The following ATP10B variants were observed in gnomAD, a reference collection of about 807,000 sequenced individuals.
The protein encoded by ATP10B is ATPase phospholipid transporting 10B (putative).
ATP10B carries 122 observed loss-of-function variants against 141.2 expected under a neutral mutation model. The ratio of observed to expected loss-of-function variants is 0.86; its 90% CI spans 0.75 to 1.00. The LOEUF is 1.00. ATP10B is among the 50% of genes least tolerant of loss of function. The pLI, the probability that ATP10B is intolerant of heterozygous loss-of-function variation, is 0.00. For synonymous variants in ATP10B, 685 were observed against 692.0 expected (o/e 0.99, Z 0.16); for missense variants, 1,876 against 1,825.3 (o/e 1.03, Z -0.51).
At chr5:160,573,426 C>T (rs1412343697) in intron 24 of ATP10B, among the ~76,000 whole-genome samples, 2 of 152,130 alleles carry the variant, frequency 1.3e-5, no homozygotes, top group African/African-American at 2.4e-5. Flanking sequence ...CAGCTTTTTT[C>T]GCTTGCTTTT....
chr5:160,810,510 G>A (rs975261250), intron 1 of ATP10B, among the ~76,000 whole-genome samples: 2 of 151,854 alleles, frequency 1.3e-5, no homozygotes, highest in African/African-American at 4.8e-5. Flanking sequence ...TGTAAATTTT[G>A]GTGTGTGCTT....
the ATP10B span, among the ~76,000 whole-genome samples, chr5:160,885,887 G>A: frequency 5.3e-5 from 8 of 152,068 alleles, no homozygotes; most frequent in African/African-American, 1.7e-4. Flanking sequence ...TTAGATACAC[G>A]TCCTCTTGCT....
intron 2 of ATP10B, among the ~76,000 whole-genome samples, chr5:160,750,950 A>C (rs1768112481): frequency 6.6e-6 from 1 of 152,128 alleles, no homozygotes; most frequent in East Asian, 1.9e-4. Context: ...TTTAGATTCT[A>C]GCATAGACAT....
intron 17 of ATP10B, among the ~76,000 whole-genome samples, chr5:160,615,044 T>G (rs1757920061): frequency 6.6e-6 from 1 of 152,216 alleles, no homozygotes; most frequent in African/African-American, 2.4e-5. Context: ...TCAGTCTCTG[T>G]GCTTCTCTTC....
chr5:160,727,239 G>A lies in ATP10B; in HGVS notation c.-330-10205C>T, dbSNP rs950575108. Among the ~76,000 whole-genome samples the A allele has an allele frequency of 7.2e-5, 11 of 152,256 alleles. No homozygotes were observed. The Middle Eastern group carries it at 0.014, about 188-fold the overall frequency. On this transcript the variant is annotated intron_variant, in intron 2 of 25. Coordinates refer to ENST00000327245, the MANE Select transcript of ATP10B (RefSeq NM_025153.3). ...ATTATACACTGAAAGCATGAACGCC[G>A]ATCCCTACAAACACCACAAGGGATA... is the stretch of plus-strand genomic sequence containing the variant.
chr5:160,855,155 T>G (rs2127994946), upstream of ATP10B, among the ~76,000 whole-genome samples: 1 of 152,218 alleles, frequency 6.6e-6, no homozygotes, highest in East Asian at 1.9e-4. Flanking sequence ...AAATGCTTGT[T>G]TAGTATTTTA....
At chr5:160,753,465 A>G (rs759429146) in intron 2 of ATP10B, among the ~76,000 whole-genome samples, 2 of 152,220 alleles carry the variant, frequency 1.3e-5, no homozygotes, top group Non-Finnish European at 2.9e-5. Context: ...ACTGATATAC[A>G]TAATTACAAT....
intron 1 of ATP10B, among the ~76,000 whole-genome samples, chr5:160,839,069 C>G (rs979871025): frequency 1.3e-5 from 2 of 152,142 alleles, no homozygotes; most frequent in African/African-American, 4.8e-5. Context: ...GATGTTGGTG[C>G]CATGCTTGTA....
At chr5:160,707,100 GCCA>G (rs986218630) in intron 3 of ATP10B, among the ~76,000 whole-genome samples, 2 of 152,068 alleles carry the variant, frequency 1.3e-5, no homozygotes, top group Non-Finnish European at 2.9e-5. Flanking sequence ...ACAGGCGCCT[GCCA>G]CCACGCCTCG....
At chr5:160,701,744 C>T (rs1764693525) in intron 3 of ATP10B, among the ~76,000 whole-genome samples, 1 of 151,930 alleles carries the variant, frequency 6.6e-6, no homozygotes, top group South Asian at 2.1e-4. Context: ...CCCTCTGCCC[C>T]AGTGCCTCCT....
chr5:160,620,457 A>G lies in ATP10B; in HGVS notation c.2306T>C (p.Val769Ala). The part of the protein sequence containing the change: ...SLLCTLGFDS[V>A]RKRMSVVVRH... ...CACAACCACAGACATTCTCTTCCTG[A>G]CAGAGTCAAAGCCCAGGGTGCAGAG... Residue 769 changes from valine to alanine, a missense_variant, in exon 15 of 26, where the codon GTC (valine) becomes GCC (alanine). Physicochemically the swap from Val to Ala is moderately conservative, Grantham distance 64. Coordinates refer to ENST00000327245, the MANE Select transcript of ATP10B (RefSeq NM_025153.3). The G allele has an allele frequency of 2.5e-6, 4 of 1,614,198 alleles. No homozygotes were observed. Among genetic ancestry groups the G allele is most frequent in the Non-Finnish European group, 3.4e-6 (4 of 1,180,012 alleles).
intron 12 of ATP10B, chr5:160,632,957 A>G (rs189105502): frequency 6.6e-6 from 1 of 152,388 alleles, no homozygotes; most frequent in Admixed American, 6.5e-5. Flanking sequence ...GCCAACAAAC[A>G]TATGAAAAAA....
the ATP10B span, among the ~76,000 whole-genome samples, chr5:160,868,038 T>G: frequency 1.9e-4 from 29 of 152,234 alleles, no homozygotes; most frequent in Middle Eastern, 0.01. Flanking sequence ...AACAAAATCC[T>G]GAGCAACATA....
the ATP10B span, among the ~76,000 whole-genome samples, chr5:160,906,338 C>T: frequency 1.3e-5 from 2 of 151,962 alleles, no homozygotes; most frequent in East Asian, 1.9e-4. Context: ...AAAAAACAAT[C>T]GACCAGTTCA....
intron 13 of ATP10B, among the ~76,000 whole-genome samples, chr5:160,626,452 T>C (rs1489172855): frequency 6.6e-6 from 1 of 152,238 alleles, no homozygotes; most frequent in Non-Finnish European, 1.5e-5. Flanking sequence ...ATATGGTTAG[T>C]ATCATTCCAC....
intron 12 of ATP10B, chr5:160,634,109 A>T (rs1581233988): frequency 1.6e-6 from 1 of 618,644 alleles, no homozygotes; most frequent in African/African-American, 1.8e-5. Flanking sequence ...CACCAGACAA[A>T]GATCAGCTGA....
At chr5:160,643,882 C>T (rs543512618) in intron 9 of ATP10B, among the ~76,000 whole-genome samples, 32 of 152,220 alleles carry the variant, frequency 2.1e-4, no homozygotes, top group East Asian at 9.7e-4. Context: ...ACAAAACCAC[C>T]GGGATGATTG....
At chr5:160,579,267 G>A (rs181795034) in intron 24 of ATP10B, among the ~76,000 whole-genome samples, 10 of 152,296 alleles carry the variant, frequency 6.6e-5, no homozygotes, top group Non-Finnish European at 8.8e-5. Context: ...GAATGGTATT[G>A]CCTAGGTTTT....
intron 3 of ATP10B, among the ~76,000 whole-genome samples, chr5:160,701,359 T>G (rs1336935969): frequency 6.6e-6 from 1 of 152,182 alleles, no homozygotes; most frequent in Non-Finnish European, 1.5e-5. Flanking sequence ...GGAAATTATT[T>G]TGTGTCCATC....
Sources: gnomAD v4.1 joint callset for allele counts (sites outside exome capture counted in the v4.1 genomes callset) on GRCh38, gnomAD v4.1.1 for gene constraint, MANE v1.5 for transcripts, NCBI Gene and HGNC (gene_info 2026-07-23, HGNC 2026-07-21) for gene names.